The following RABL3 variants were observed in gnomAD, a reference collection of about 807,000 sequenced individuals.
RABL3 encodes the protein rab-like protein 3.
A neutral mutation model predicts 31.8 loss-of-function variants in RABL3; 31 were observed. That is an observed-to-expected ratio of 0.97 (90% confidence interval 0.73 to 1.31). The LOEUF (loss-of-function observed/expected upper bound fraction) is 1.31. Ranked by LOEUF, RABL3 falls within the 40% of genes most tolerant of loss-of-function variation. The pLI is 0.00. For synonymous variants in RABL3, 97 were observed against 99.9 expected, an observed-to-expected ratio of 0.97 and a Z score of 0.18; for missense variants, 263 against 279.6, an observed-to-expected ratio of 0.94 and a Z score of 0.42.
intron 6 of RABL3, among the ~76,000 whole-genome samples, chr3:120,691,345 T>C (rs1217125367): frequency 6.6e-6 from 1 of 152,200 alleles, no homozygotes; most frequent in African/African-American, 2.4e-5. Context: ...TGATTTAGGA[T>C]GGCTTGACTA....
intron 1 of RABL3, among the ~76,000 whole-genome samples, chr3:120,735,363 T>C (rs1166024466): frequency 1.3e-5 from 2 of 152,192 alleles, no homozygotes; most frequent in African/African-American, 4.8e-5. Context: ...TGATGGTAGT[T>C]TGTATTTCTG....
intron 2 of RABL3, among the ~76,000 whole-genome samples, chr3:120,725,717 T>G (rs551472137): frequency 1.9e-4 from 29 of 152,224 alleles, no homozygotes; most frequent in African/African-American, 6.5e-4. Context: ...AAACACCACA[T>G]GTTCTCACTC....
At chr3:120,725,145 C>G (rs1257693307) in intron 2 of RABL3, among the ~76,000 whole-genome samples, 2 of 152,106 alleles carry the variant, frequency 1.3e-5, no homozygotes, top group African/African-American at 4.8e-5. Context: ...AGGATATGAA[C>G]AGACACTTCT....
intron 4 of RABL3, among the ~76,000 whole-genome samples, chr3:120,701,128 A>G (rs1377842916): frequency 6.6e-6 from 1 of 152,060 alleles, no homozygotes; most frequent in African/African-American, 2.4e-5. Flanking sequence ...TCTTTCTTAT[A>G]CAATAGGAGG....
intron 1 of RABL3, chr3:120,738,708 G>T (rs1709003128): frequency 6.6e-6 from 1 of 152,124 alleles, no homozygotes; most frequent in South Asian, 2.1e-4. Flanking sequence ...TTTATTAAAA[G>T]TTTCCATATT....
At position 120,692,849 on chromosome 3, in the gene RABL3, C is replaced by T. The variant is rs184985144; in HGVS notation, c.606+1304G>A. ...CTAATAAAATTTTAAATTTAAACAA[C>T]ATACTGTGGGATCTTTCCAGGTCAG... is the stretch of plus-strand genomic sequence containing the variant. On this transcript the variant is annotated intron_variant, in intron 6 of 7. Transcript: ENST00000273375. Among the ~76,000 whole-genome samples, 423 of 152,190 alleles carry T rather than the reference C, an allele frequency of 2.8e-3. 3 individuals are homozygous for T. The highest frequency in any genetic ancestry group is 0.01 in the Middle Eastern group (3 of 294).
rs1385236285 is a variant in RABL3 at position 120,742,466 on chromosome 3, G to C, written c.42C>G (p.Asp14Glu). Reference sequence around the variant, plus strand: ...GAGGTAGGGTAAGCCGCTCACCTGAGTCTCCCAACACCAGTACCTTCACCC... The same window carrying C: ...GAGGTAGGGTAAGCCGCTCACCTGACTCTCCCAACACCAGTACCTTCACCC... Reference protein sequence around the residue: ...LDRVKVLVLGDSGVGKSSLVH... With the variant: ...LDRVKVLVLGESGVGKSSLVH... The change falls in exon 1 of 8, where the codon GAC becomes GAG. Residue 14 changes from aspartate (D) to glutamate (E), a missense_variant. Asp to Glu is a conservative substitution (Grantham distance 45, BLOSUM62 2). Transcript: ENST00000273375. 1.2e-6 allele frequency: 2 copies of C among 1,614,018 alleles called. No homozygotes were observed. Among genetic ancestry groups the C allele is most frequent in the African/African-American group, 1.3e-5 (1 of 74,934 alleles).
Position 120,694,204 on chromosome 3 carries a change from G to A in RABL3, c.555C>T (p.Tyr185=), listed in dbSNP as rs1708410802. The A allele has an allele frequency of 6.2e-7, 1 of 1,611,218 alleles. No homozygotes were observed. The part of the protein sequence containing the change: ...EINLDCTNPR[Y]LAAGSSNAVK... ...CAGCATTGGAAGAACCTGCAGCTAA[G>A]TACCGTGGATTTGTGCAGTCCTAGA... Residue 185 remains tyrosine (Y), a synonymous_variant, in exon 6 of 8, where the codon TAC becomes TAT. Transcript: ENST00000273375.
At chr3:120,721,251 T>C (rs1708736786) in intron 2 of RABL3, among the ~76,000 whole-genome samples, 1 of 152,116 alleles carries the variant, frequency 6.6e-6, no homozygotes, top group African/African-American at 2.4e-5. Flanking sequence ...GTAAAGACCA[T>C]CGAGGCTAGG....
At chr3:120,733,798 C>T (rs28811681) in intron 1 of RABL3, among the ~76,000 whole-genome samples, 41,913 of 151,942 alleles carry the variant, frequency 0.28, 6,266 homozygotes, top group Non-Finnish European at 0.33. Context: ...CCCAGCACCA[C>T]TTATTAAATA....
At chr3:120,691,471 A>T (rs1266769253) in intron 6 of RABL3, among the ~76,000 whole-genome samples, 1 of 152,194 alleles carries the variant, frequency 6.6e-6, no homozygotes, top group Non-Finnish European at 1.5e-5. Context: ...AATAAATTAC[A>T]TGAGCCATTC....
In RABL3 at chr3:120,727,276, C is replaced by A. The variant is rs535968156; in HGVS notation, c.138+3420G>T. 1.5e-4 allele frequency among the ~76,000 whole-genome samples: 23 copies of A among 152,092 alleles called. No individual in the cohort carries two copies. In the South Asian group the frequency reaches 4.8e-3, roughly 32 times the overall value. ...ACTGATCAAGAAAGTAAGAGAAAAGCCACAAATCATTCTACCAGAAATGAA... is the reference window on the plus strand; with the variant it reads ...ACTGATCAAGAAAGTAAGAGAAAAGACACAAATCATTCTACCAGAAATGAA... On this transcript the variant is annotated intron_variant, in intron 2 of 7. Coordinates refer to ENST00000273375, the MANE Select transcript of RABL3 (RefSeq NM_173825.5).
chr3:120,715,381 T>C (rs1355782868), intron 2 of RABL3, among the ~76,000 whole-genome samples: 1 of 151,962 alleles, frequency 6.6e-6, no homozygotes, highest in Admixed American at 6.6e-5. Flanking sequence ...CTACTAAAAA[T>C]ACAACAATTA....
chr3:120,706,210 G>T, intron 3 of RABL3, 96 bp from the exon 4 acceptor site: 1 of 733,528 alleles, frequency 1.4e-6, no homozygotes, highest in Non-Finnish European at 2.3e-6. Flanking sequence ...GCATTAGGTT[G>T]CTTAATGAAT....
At chr3:120,690,537 T>C (rs1244081151) in intron 6 of RABL3, 50 bp from the exon 7 acceptor site, 3 of 1,375,048 alleles carry the variant, frequency 2.2e-6, no homozygotes, top group Non-Finnish European at 3.1e-6. Context: ...CTGCAAAAAG[T>C]GGCTAACTGC....
intron 5 of RABL3, among the ~76,000 whole-genome samples, chr3:120,694,890 T>A (rs1056148146): frequency 9.9e-5 from 15 of 151,584 alleles, no homozygotes; most frequent in African/African-American, 3.6e-4. Context: ...CAAAACGATC[T>A]GGAACATTAA....
intron 1 of RABL3, among the ~76,000 whole-genome samples, chr3:120,738,120 C>T (rs1708994597): frequency 6.6e-6 from 1 of 152,240 alleles, no homozygotes; most frequent in African/African-American, 2.4e-5. Context: ...TCTACAGAGG[C>T]ACACAGGCCT....
Position 120,687,927 on chromosome 3 carries a change from G to A in RABL3, c.*1896C>T, listed in dbSNP as rs1267423830. 1.3e-5 allele frequency: 2 copies of A among 151,978 alleles called. No homozygotes were observed. The highest frequency in any genetic ancestry group is 4.8e-5 in the African/African-American group (2 of 41,354). The allele number at this position is 151,978 out of a possible 1,614,324, so 9.4% of individuals were successfully genotyped here. A position where few individuals can be genotyped will look rare whatever the true frequency, so the allele number is the denominator to read the frequency against. ...TTCTCCTGCCTCAGCCTCCCAAGTA[G>A]CTGGGATTACAGGCGCGTGCCACCA... On this transcript the variant is annotated 3_prime_UTR_variant, in exon 8 of 8. Coordinates refer to ENST00000273375, the MANE Select transcript of RABL3 (RefSeq NM_173825.5).
intron 2 of RABL3, among the ~76,000 whole-genome samples, chr3:120,726,843 G>A (rs1031384947): frequency 4.6e-5 from 7 of 151,956 alleles, no homozygotes; most frequent in Non-Finnish European, 8.8e-5. Flanking sequence ...AGCATACAGT[G>A]TATGTTCTCT....
Sources: allele counts gnomAD v4.1 joint callset (sites outside exome capture counted in the v4.1 genomes callset), GRCh38; gene constraint gnomAD v4.1.1; transcripts MANE v1.5; gene names NCBI Gene and HGNC (gene_info 2026-07-23, HGNC 2026-07-21).